The following EPHA3 variants were observed in gnomAD, a reference collection of about 807,000 sequenced individuals.
The protein encoded by EPHA3 is EPH receptor A3.
Under a neutral mutation model 107.1 loss-of-function variants are expected in EPHA3, and 42 were observed. The ratio of observed to expected loss-of-function variants is 0.39; its 90% CI spans 0.31 to 0.51. EPHA3 has a LOEUF of 0.51. EPHA3 is among the 20% of genes least tolerant of loss of function. The pLI is 0.78. For synonymous variants in EPHA3, 461 were observed against 424.8 expected (o/e 1.09, Z -1.05); for missense variants, 1,183 against 1,211.2 (o/e 0.98, Z 0.35).
rs536475157 is a variant in EPHA3 at position 89,269,536 on chromosome 3, T to C, written c.814+59016T>C. 6.6e-5 allele frequency among the ~76,000 whole-genome samples: 10 copies of C among 151,994 alleles called. No homozygotes were observed. In the East Asian group the frequency reaches 1.5e-3, roughly 24 times the overall value. On this transcript the variant is annotated intron_variant, in intron 3 of 16. Coordinates refer to ENST00000336596, the MANE Select transcript of EPHA3 (RefSeq NM_005233.6). ...CGTGATCCTCAGTGATCCTCCTACCTTGGACTCCCAGAATGCTGTGGTTAT... is the reference window on the plus strand; with the variant it reads ...CGTGATCCTCAGTGATCCTCCTACCCTGGACTCCCAGAATGCTGTGGTTAT...
intron 3 of EPHA3, among the ~76,000 whole-genome samples, chr3:89,275,067 C>A (rs1235274015): frequency 6.6e-6 from 1 of 151,952 alleles, no homozygotes; most frequent in Admixed American, 6.6e-5. Flanking sequence ...GTGACTTGTT[C>A]AAGGTCAAAT....
At chr3:89,215,082 A>C (rs1273517614) in intron 3 of EPHA3, among the ~76,000 whole-genome samples, 1 of 151,928 alleles carries the variant, frequency 6.6e-6, no homozygotes, top group Non-Finnish European at 1.5e-5. Flanking sequence ...ACTAAGAAAA[A>C]GAAAAATATA....
chr3:89,478,378 G>T (rs562877122), intron 16 of EPHA3, among the ~76,000 whole-genome samples: 1 of 152,280 alleles, frequency 6.6e-6, no homozygotes, highest in Admixed American at 6.5e-5. Context: ...TAGTGTTGTG[G>T]GTTATAAATG....
At position 89,449,220 on chromosome 3, in the gene EPHA3, C is replaced by A; in HGVS notation, c.2347-5C>A. 1 of 1,598,642 alleles carries A rather than the reference C, an allele frequency of 6.3e-7. No individual in the cohort carries two copies. Among genetic ancestry groups the A allele is most frequent in the Non-Finnish European group, 8.5e-7 (1 of 1,169,676 alleles). On this transcript the variant is annotated splice_polypyrimidine_tract_variant and splice_region_variant and intron_variant, in intron 13 of 16. Transcript: ENST00000336596. ...ATTTATGTAGACATGATTTTATATT[C>A]AAAGGGAGGGAAGATCCCAATCAGG... is the stretch of plus-strand genomic sequence containing the variant.
intron 7 of EPHA3, among the ~76,000 whole-genome samples, chr3:89,403,360 T>C (rs1250553357): frequency 6.6e-6 from 1 of 152,168 alleles, no homozygotes; most frequent in Admixed American, 6.5e-5. Context: ...TCAGATACTA[T>C]TGTATCCTTT....
chr3:89,425,830 AT>A (rs1709444819), intron 11 of EPHA3, among the ~76,000 whole-genome samples: 1 of 151,566 alleles, frequency 6.6e-6, no homozygotes, highest in Non-Finnish European at 1.5e-5. Context: ...ATTCTTAGAC[AT>A]TTTGAATCAT....
At chr3:89,151,079 G>T (rs568899398) in intron 2 of EPHA3, among the ~76,000 whole-genome samples, 13 of 152,012 alleles carry the variant, frequency 8.6e-5, no homozygotes, top group Non-Finnish European at 1.8e-4. Flanking sequence ...GATAATAAGA[G>T]ATATATTATG....
At chr3:89,200,973 A>G (rs866514708) in intron 2 of EPHA3, among the ~76,000 whole-genome samples, 31 of 152,058 alleles carry the variant, frequency 2.0e-4, no homozygotes, top group African/African-American at 6.8e-4. Context: ...CCAGCCCTGA[A>G]CTGGAATAAG....
intron 15 of EPHA3, among the ~76,000 whole-genome samples, chr3:89,466,115 T>C (rs1232067874): frequency 5.4e-5 from 1 of 18,506 alleles, no homozygotes; most frequent in Non-Finnish European, 1.1e-4. Context: ...GTGCCCCTGC[T>C]GGGGGGTGCC....
At chr3:89,468,063 G>A (rs1000918548) in intron 15 of EPHA3, among the ~76,000 whole-genome samples, 5 of 152,140 alleles carry the variant, frequency 3.3e-5, no homozygotes, top group African/African-American at 7.2e-5. Context: ...TTCCCTTGGT[G>A]CGCATGAAGA....
intron 5 of EPHA3, among the ~76,000 whole-genome samples, chr3:89,376,652 A>C (rs1708410552): frequency 6.6e-6 from 1 of 152,000 alleles, no homozygotes; most frequent in Non-Finnish European, 1.5e-5. Flanking sequence ...TCTATACTGC[A>C]TGTCTTCCAC....
At chr3:89,331,598 G>A (rs1707291083) in intron 3 of EPHA3, among the ~76,000 whole-genome samples, 1 of 152,034 alleles carries the variant, frequency 6.6e-6, no homozygotes, top group Non-Finnish European at 1.5e-5. Flanking sequence ...CTACATTCAT[G>A]TACAATATTG....
intron 10 of EPHA3, 99 bp downstream of exon 10, chr3:89,413,365 C>A (rs2107522240): frequency 6.8e-7 from 1 of 1,466,798 alleles, no homozygotes; most frequent in African/African-American, 1.4e-5. Flanking sequence ...TGGGAATTTT[C>A]TGATTTCATG....
At chr3:89,229,303 T>C (rs1704572254) in intron 3 of EPHA3, among the ~76,000 whole-genome samples, 1 of 152,032 alleles carries the variant, frequency 6.6e-6, no homozygotes, top group African/African-American at 2.4e-5. Flanking sequence ...ATTTAGCATA[T>C]AACTCAAGTT....
intron 3 of EPHA3, among the ~76,000 whole-genome samples, chr3:89,271,777 A>G (rs566876807): frequency 1.3e-4 from 20 of 152,032 alleles, no homozygotes; most frequent in Non-Finnish European, 2.9e-4. Flanking sequence ...CTAGAAATTA[A>G]AAATAGAAAA....
intron 5 of EPHA3, 130 bp from the exon 6 acceptor site, chr3:89,395,707 T>C: frequency 8.7e-7 from 1 of 1,150,712 alleles, no homozygotes; most frequent in African/African-American, 1.6e-5. Flanking sequence ...AATAGTGCTT[T>C]CTTGCCAAAA....
chr3:89,341,016 G>A lies in EPHA3; in HGVS notation c.915G>A (p.Arg305=), dbSNP rs545834194. 2.0e-5 allele frequency: 32 copies of A among 1,614,148 alleles called. No individual in the cohort carries two copies. In the African/African-American group the frequency reaches 4.0e-4, roughly 20 times the overall value. ...AGGAAGATGGTTCAATGAACTGCAG[G>A]TGTGAGAATAATTACTTCCGGGCAG... ...STQEDGSMNC[R]CENNYFRADK... Residue 305 remains arginine, a synonymous_variant, in exon 4 of 17, where the codon AGG becomes AGA. Coordinates refer to ENST00000336596, the MANE Select transcript of EPHA3 (RefSeq NM_005233.6).
intron 2 of EPHA3, among the ~76,000 whole-genome samples, chr3:89,200,112 G>C (rs7612746): frequency 0.62 from 94,264 of 151,986 alleles, 30,244 homozygotes; most frequent in Non-Finnish European, 0.7. Context: ...CTGTCTATCT[G>C]TGTTATAACT....
At chr3:89,375,499 T>G (rs57161143) in intron 5 of EPHA3, among the ~76,000 whole-genome samples, 2,311 of 151,682 alleles carry the variant, frequency 0.015, 44 homozygotes, top group African/African-American at 0.053. Context: ...GGGAGCCCGT[T>G]TGGAATACTT....
Sources: gnomAD v4.1 joint callset for allele counts (sites outside exome capture counted in the v4.1 genomes callset) on GRCh38, gnomAD v4.1.1 for gene constraint, MANE v1.5 for transcripts, NCBI Gene and HGNC (gene_info 2026-07-23, HGNC 2026-07-21) for gene names.